Variants in GOLM2 observed in about 807,000 individuals in gnomAD.
GOLM2 encodes protein GOLM2.
GOLM2 carries 26 observed loss-of-function variants against 55.9 expected under a neutral mutation model. The ratio of observed to expected loss-of-function variants is 0.47; its 90% confidence interval spans 0.34 to 0.65. The LOEUF (loss-of-function observed/expected upper bound fraction) is 0.65, where lower values mean the gene tolerates loss of function less well. Ranked by LOEUF, GOLM2 falls within the 30% of genes least tolerant of loss-of-function variation. GOLM2 has a pLI of 0.01. For missense variants in GOLM2, 486 were observed against 531.8 expected, an observed-to-expected ratio of 0.91 and a Z score of 0.85; for synonymous variants, 165 against 194.6, an observed-to-expected ratio of 0.85 and a Z score of 1.27.
chr15:44,296,348 TACACACATAC>T (rs988490367), intron 1 of GOLM2, among the ~76,000 whole-genome samples: 59 of 152,026 alleles, frequency 3.9e-4, no homozygotes, highest in Admixed American at 1.8e-3. Flanking sequence ...GTCGTTTTAT[TACACACATAC>T]ACACACATAC....
intron 4 of GOLM2, among the ~76,000 whole-genome samples, chr15:44,335,422 G>T (rs1226799314): frequency 6.6e-6 from 1 of 152,142 alleles, no homozygotes; most frequent in Non-Finnish European, 1.5e-5. Flanking sequence ...GTACATTAAA[G>T]ATACAACATC....
At chr15:44,402,637 T>A (rs66479411) in intron 8 of GOLM2, 11,022 of 349,104 alleles carry the variant, frequency 0.032, 244 homozygotes, top group Non-Finnish European at 0.042. Flanking sequence ...CTTTAAGAAA[T>A]CATTCAAATT....
intron 1 of GOLM2, among the ~76,000 whole-genome samples, chr15:44,294,642 A>T (rs2078743387): frequency 1.3e-5 from 2 of 149,556 alleles, no homozygotes; most frequent in African/African-American, 4.9e-5. Flanking sequence ...TGAACCCGGC[A>T]GGCAGAGGTT....
chr15:44,323,913 T>C (rs2078966712), intron 2 of GOLM2, among the ~76,000 whole-genome samples: 1 of 152,220 alleles, frequency 6.6e-6, no homozygotes, highest in Non-Finnish European at 1.5e-5. Context: ...TTTTGTGTGT[T>C]GTAACCCTAA....
chr15:44,297,470 A>G (rs1426166609), intron 1 of GOLM2, among the ~76,000 whole-genome samples: 2 of 151,282 alleles, frequency 1.3e-5, no homozygotes, highest in Non-Finnish European at 2.9e-5. Context: ...TTTCTGTGTC[A>G]TGTTAATTCC....
intron 6 of GOLM2, among the ~76,000 whole-genome samples, chr15:44,369,721 C>CAT (rs1401468879): frequency 7.1e-6 from 1 of 140,442 alleles, no homozygotes; most frequent in African/African-American, 2.5e-5. Context: ...CACACACACA[C>CAT]ACATATATAT....
chr15:44,336,934 A>T (rs377065636), intron 4 of GOLM2, among the ~76,000 whole-genome samples: 65 of 152,236 alleles, frequency 4.3e-4, no homozygotes, highest in Middle Eastern at 3.4e-3. Context: ...ATAATAATAA[A>T]AAAAAATATT....
At chr15:44,398,657 CTTTTTTTTTTTTTT>C (rs994381104) in intron 8 of GOLM2, among the ~76,000 whole-genome samples, 1 of 108,076 alleles carries the variant, frequency 9.3e-6, no homozygotes, top group African/African-American at 3.7e-5. Context: ...ATATAGGAGC[CTTTTTTTTTTTTTT>C]TTTTTTTTTT....
intron 6 of GOLM2, among the ~76,000 whole-genome samples, chr15:44,356,925 C>G (rs1166412504): frequency 6.6e-6 from 1 of 152,166 alleles, no homozygotes; most frequent in African/African-American, 2.4e-5. Flanking sequence ...AATCCTAGCA[C>G]TTTGGGAGGC....
Position 44,302,147 on chromosome 15 carries a change from T to C in GOLM2, c.327+12791T>C, listed in dbSNP as rs972932934. The stretch of plus-strand genomic sequence containing the variant: ...GATTGACTCTCTTTTTTACATTTAA[T>C]TTTTTTTTTTTTTTTGAGATGGAGT... On this transcript the variant is annotated intron_variant, in intron 1 of 9. Transcript: ENST00000299957. Among the ~76,000 whole-genome samples, 114 of 127,462 alleles carry C rather than the reference T, an allele frequency of 8.9e-4. 1 individual carries two copies. Among genetic ancestry groups the C allele is most frequent in the Middle Eastern group, 3.9e-3 (1 of 258 alleles). 83.6% of individuals were successfully genotyped at this position (127,462 alleles called of 152,430 possible). A position where few individuals can be genotyped will look rare whatever the true frequency, so the allele number is the denominator to read the frequency against.
intron 6 of GOLM2, among the ~76,000 whole-genome samples, chr15:44,352,750 AC>A (rs1459497260): frequency 4.6e-5 from 7 of 152,078 alleles, no homozygotes; most frequent in Non-Finnish European, 1.5e-5. Flanking sequence ...TACTAAAAAT[AC>A]AAAAATTACC....
rs1318883128 is a variant in GOLM2, at chr15:44,411,534, G to T, written c.1241-1802G>T. 2.0e-5 allele frequency among the ~76,000 whole-genome samples: 3 copies of T among 152,182 alleles called. No homozygotes were observed. The East Asian group carries it at 5.8e-4, about 29-fold the overall frequency. ...TTTTAAGTCTGCAGAGAAGCCAAAA[G>T]ATATCATAAAAATCCATGTACTCTA... is the stretch of plus-strand genomic sequence containing the variant. On this transcript the variant is annotated intron_variant, in intron 9 of 9. Coordinates refer to ENST00000299957, the MANE Select transcript of GOLM2 (RefSeq NM_138423.4).
At chr15:44,373,014 C>T (rs1454489957) in intron 6 of GOLM2, among the ~76,000 whole-genome samples, 3 of 152,170 alleles carry the variant, frequency 2.0e-5, no homozygotes, top group Admixed American at 2.0e-4. Flanking sequence ...TATCACATCT[C>T]CCTGTTTTAA....
At chr15:44,358,714 T>C (rs2079214348) in intron 6 of GOLM2, among the ~76,000 whole-genome samples, 1 of 152,160 alleles carries the variant, frequency 6.6e-6, no homozygotes, top group African/African-American at 2.4e-5. Context: ...AAATAGATCA[T>C]AGACCTAAAT....
intron 6 of GOLM2, among the ~76,000 whole-genome samples, chr15:44,357,442 A>C (rs575052911): frequency 6.6e-5 from 10 of 152,226 alleles, no homozygotes; most frequent in Non-Finnish European, 1.5e-4. Context: ...TCTACAAGTA[A>C]CAACATACCT....
chr15:44,395,708 T>C (rs533869056), intron 8 of GOLM2, among the ~76,000 whole-genome samples: 5 of 151,664 alleles, frequency 3.3e-5, no homozygotes, highest in Non-Finnish European at 1.5e-5. Flanking sequence ...GGTGTGGTGG[T>C]ACGCGCCTGT....
chr15:44,289,175 T>A lies in GOLM2; in HGVS notation c.146T>A (p.Leu49Gln). ...CTGCTTCAGGAGGAGGTGGCCGAGC[T>A]GCAGGGCCAGGTCCAGCGCACCGAA... is the stretch of plus-strand genomic sequence containing the variant. The part of the protein sequence containing the change: ...HVLLQEEVAE[L>Q]QGQVQRTEVA... The change falls in exon 1 of 10, where the codon CTG becomes CAG. Residue 49 changes from leucine (L) to glutamine (Q), a missense_variant. Physicochemically the swap from Leu to Gln is moderately radical, Grantham distance 113. Transcript: ENST00000299957. This position sits in a 1 kb window ranked among gnomAD's most constrained non-coding sequence, Gnocchi z 4.8. 1 of 1,614,182 alleles carries A rather than the reference T, an allele frequency of 6.2e-7. No individual in the cohort carries two copies. Among genetic ancestry groups the A allele is most frequent in the Non-Finnish European group, 8.5e-7 (1 of 1,180,032 alleles).
intron 6 of GOLM2, among the ~76,000 whole-genome samples, chr15:44,365,855 G>A (rs923851329): frequency 3.3e-5 from 5 of 152,162 alleles, no homozygotes; most frequent in African/African-American, 1.2e-4. Context: ...ATTACAGTGT[G>A]CCAGTGTAAG....
chr15:44,315,802 A>T (rs1179678616), intron 1 of GOLM2, among the ~76,000 whole-genome samples: 1 of 152,252 alleles, frequency 6.6e-6, no homozygotes, highest in African/African-American at 2.4e-5. Context: ...TATTACAAAA[A>T]GAGAGGGATA....
Sources: allele counts gnomAD v4.1 joint callset (sites outside exome capture counted in the v4.1 genomes callset), GRCh38; gene constraint gnomAD v4.1.1; non-coding constraint Gnocchi (gnomAD v3.1); transcripts MANE v1.5; gene names NCBI Gene and HGNC (gene_info 2026-07-23, HGNC 2026-07-21).